The following BICC1 variants were observed in gnomAD, a reference collection of about 807,000 sequenced individuals.
BICC1 encodes BicC family RNA binding protein 1, also known as protein bicaudal C homolog 1.
Under a neutral mutation model 111.0 loss-of-function variants are expected in BICC1, and 43 were observed. The observed-to-expected ratio is 0.39, with a 90% CI of 0.30 to 0.50. The LOEUF is 0.50. BICC1 is among the 20% of genes least tolerant of loss of function. The pLI is 0.88. For missense variants in BICC1, 1,091 were observed against 1,203.2 expected, an observed-to-expected ratio of 0.91 and a Z score of 1.38; for synonymous variants, 467 against 434.4, an observed-to-expected ratio of 1.07 and a Z score of -0.93.
chr10:58,517,386 A>C (rs1367954485), intron 1 of BICC1, among the ~76,000 whole-genome samples: 3 of 152,232 alleles, frequency 2.0e-5, no homozygotes, highest in Admixed American at 6.5e-5. Context: ...ATTGATTAAC[A>C]GTAGGAGCAG....
In BICC1 at chr10:58,788,281, A is replaced by C. The variant is rs1589138184; in HGVS notation, c.547-89A>C. ...ACCTCTGTATTTGTCCCTGGATGAC[A>C]CTTTTAGTAGCAAGCATATAGATGA... is the stretch of plus-strand genomic sequence containing the variant. On this transcript the variant is annotated intron_variant, in intron 5 of 20. Transcript: ENST00000373886. 7.2e-6 allele frequency: 7 copies of C among 974,498 alleles called. No individual in the cohort carries two copies. The East Asian group carries it at 1.7e-4, about 24-fold the overall frequency. 60.4% of individuals were successfully genotyped at this position (974,498 alleles called of 1,614,324 possible).
intron 3 of BICC1, among the ~76,000 whole-genome samples, chr10:58,776,902 T>G (rs537989661): frequency 6.6e-6 from 1 of 152,256 alleles, no homozygotes; most frequent in African/African-American, 2.4e-5. Context: ...TTAGGCTTTT[T>G]GTTTCTTTCT....
At chr10:58,724,379 C>CTG (rs879527332) in intron 3 of BICC1, among the ~76,000 whole-genome samples, 2 of 151,484 alleles carry the variant, frequency 1.3e-5, no homozygotes, top group African/African-American at 2.4e-5. Flanking sequence ...AACTCTGTGT[C>CTG]TGTGTGTGTG....
intron 1 of BICC1, among the ~76,000 whole-genome samples, chr10:58,552,692 G>A (rs1843328465): frequency 6.6e-6 from 1 of 152,060 alleles, no homozygotes; most frequent in Non-Finnish European, 1.5e-5. Context: ...CAGAAATAAG[G>A]AAATTGAGTT....
chr10:58,697,983 T>C (rs767879800), intron 2 of BICC1, among the ~76,000 whole-genome samples: 18 of 152,032 alleles, frequency 1.2e-4, no homozygotes, highest in Admixed American at 3.3e-4. Flanking sequence ...GCTGAGGCTG[T>C]CACAAATTAA....
rs191948058 is a variant in BICC1, at chr10:58,570,227, C to G, written c.191-50628C>G. Among the ~76,000 whole-genome samples, 5 of 152,230 alleles carry G rather than the reference C, an allele frequency of 3.3e-5. No homozygotes were observed. In the East Asian group the frequency reaches 7.7e-4, roughly 24 times the overall value. On this transcript the variant is annotated intron_variant, in intron 1 of 20. Transcript: ENST00000373886. ...TTTATTTGTTCTGATGAAGAGCCTT[C>G]GTTGGGAAATTTATTTAAAGACAAT...
At chr10:58,600,605 C>T (rs1386025188) in intron 1 of BICC1, among the ~76,000 whole-genome samples, 1 of 151,944 alleles carries the variant, frequency 6.6e-6, no homozygotes, top group Non-Finnish European at 1.5e-5. Flanking sequence ...ATATAGTTGA[C>T]TCTTGAATAC....
At chr10:58,718,378 C>G (rs1256183215) in intron 3 of BICC1, among the ~76,000 whole-genome samples, 1 of 152,156 alleles carries the variant, frequency 6.6e-6, no homozygotes, top group East Asian at 1.9e-4. Context: ...AATCACCTTC[C>G]AAAGTCTCCA....
At chr10:58,611,957 ATTC>A (rs1182852336) in intron 1 of BICC1, among the ~76,000 whole-genome samples, 1 of 152,226 alleles carries the variant, frequency 6.6e-6, no homozygotes, top group African/African-American at 2.4e-5. Flanking sequence ...ATTTTTGTCT[ATTC>A]TTAATTTTTC....
intron 1 of BICC1, among the ~76,000 whole-genome samples, chr10:58,597,110 C>T (rs186725625): frequency 1.2e-4 from 18 of 152,250 alleles, no homozygotes; most frequent in African/African-American, 4.3e-4. Flanking sequence ...TTTCTATTTT[C>T]TATAAGTGTC....
intron 1 of BICC1, among the ~76,000 whole-genome samples, chr10:58,528,376 A>T (rs768880309): frequency 4.6e-5 from 7 of 151,940 alleles, no homozygotes; most frequent in Admixed American, 3.3e-4. Context: ...AAGCGAGGTT[A>T]ATGTTAATTA....
intron 3 of BICC1, among the ~76,000 whole-genome samples, chr10:58,729,806 G>A (rs1841231001): frequency 6.6e-6 from 1 of 152,176 alleles, no homozygotes; most frequent in African/African-American, 2.4e-5. Context: ...TGTGACGACA[G>A]TACCAAGGGG....
intron 1 of BICC1, among the ~76,000 whole-genome samples, chr10:58,534,684 AG>A (rs1399836891): frequency 1.3e-5 from 2 of 151,730 alleles, no homozygotes; most frequent in Admixed American, 6.6e-5. Context: ...ATGAAAAAAC[AG>A]GGTTCTGTAA....
intron 2 of BICC1, among the ~76,000 whole-genome samples, chr10:58,675,192 A>C (rs1839301485): frequency 6.6e-6 from 1 of 152,166 alleles, no homozygotes; most frequent in Non-Finnish European, 1.5e-5. Context: ...GAGAACAAGG[A>C]TTTGAACACA....
chr10:58,766,167 A>G (rs1304422631), intron 3 of BICC1, among the ~76,000 whole-genome samples: 1 of 152,154 alleles, frequency 6.6e-6, no homozygotes, highest in Admixed American at 6.5e-5. Flanking sequence ...ATTGCTGCTT[A>G]GCATCTGGTA....
At chr10:58,782,732 G>A (rs1842913627) in intron 3 of BICC1, among the ~76,000 whole-genome samples, 1 of 152,152 alleles carries the variant, frequency 6.6e-6, no homozygotes, top group African/African-American at 2.4e-5. Context: ...GAATTAAGGA[G>A]GCTAGTCCCC....
rs184208903 is a variant in BICC1 at position 58,734,718 on chromosome 10, G to T, written c.307+32575G>T. ...TGATTTATTTTTCATAGAAGAAGCT[G>T]CTTTTTTCAAGGGAATTTGCTGCCA... On this transcript the variant is annotated intron_variant, in intron 3 of 20. Coordinates refer to ENST00000373886, the MANE Select transcript of BICC1 (RefSeq NM_001080512.3). Among the ~76,000 whole-genome samples the T allele has an allele frequency of 1.1e-4, 16 of 152,300 alleles. No individual in the cohort carries two copies. The East Asian group carries it at 2.7e-3, about 26-fold the overall frequency.
At chr10:58,530,108 T>A (rs546889521) in intron 1 of BICC1, among the ~76,000 whole-genome samples, 3 of 151,810 alleles carry the variant, frequency 2.0e-5, no homozygotes, top group African/African-American at 7.2e-5. Flanking sequence ...TATAATCTAG[T>A]GGAAGAGAGG....
intron 1 of BICC1, among the ~76,000 whole-genome samples, chr10:58,562,920 T>C: frequency 6.6e-6 from 1 of 152,182 alleles, no homozygotes; most frequent in Non-Finnish European, 1.5e-5. Context: ...CTGTAGGCAG[T>C]GGCACAGCTT....
Sources: allele counts gnomAD v4.1 joint callset (sites outside exome capture counted in the v4.1 genomes callset), GRCh38; gene constraint gnomAD v4.1.1; transcripts MANE v1.5; gene names NCBI Gene and HGNC (gene_info 2026-07-23, HGNC 2026-07-21).